The following SLC2A13 variants were observed in gnomAD, a reference collection of about 807,000 sequenced individuals.
The protein encoded by SLC2A13 is solute carrier family 2 member 13, also known as proton myo-inositol cotransporter.
Under a neutral mutation model 64.4 loss-of-function variants are expected in SLC2A13, and 32 were observed. That is an observed-to-expected ratio of 0.50 (90% CI 0.37 to 0.67). SLC2A13 has a LOEUF of 0.67. SLC2A13 is among the 30% of genes least tolerant of loss of function. SLC2A13 has a pLI of 0.00. For missense variants in SLC2A13, 743 were observed against 829.2 expected (o/e 0.90, Z 1.28); for synonymous variants, 338 against 327.1 (o/e 1.03, Z -0.36).
At position 39,930,239 on chromosome 12, in the gene SLC2A13, AG is replaced by A. The variant is rs545619950; in HGVS notation, c.1034+21017del. Reference sequence around the variant, plus strand: ...ACTGTATGAGCCATTTCAGCAGGCCAGGATCATGGGTTGTAGGCAGCAAGGT... The same window carrying A: ...ACTGTATGAGCCATTTCAGCAGGCCAGATCATGGGTTGTAGGCAGCAAGGT... On this transcript the variant is annotated intron_variant, in intron 4 of 9. Transcript: ENST00000280871. Among the ~76,000 whole-genome samples the A allele has an allele frequency of 3.9e-5, 6 of 152,174 alleles. No individual in the cohort carries two copies. The South Asian group carries it at 1.0e-3, about 26-fold the overall frequency.
chr12:39,844,765 T>C (rs1943264168), intron 6 of SLC2A13, among the ~76,000 whole-genome samples: 1 of 152,036 alleles, frequency 6.6e-6, no homozygotes, highest in South Asian at 2.1e-4. Flanking sequence ...TTGGAAATTA[T>C]ATTCTTCCCT....
At chr12:39,988,670 GGAGGGAA>G (rs1947074065) in intron 3 of SLC2A13, among the ~76,000 whole-genome samples, 8 of 115,868 alleles carry the variant, frequency 6.9e-5, no homozygotes. Context: ...AGGGAGGGAG[GGAGGGAA>G]GAAGGGAGGG....
Position 39,758,479 on chromosome 12 carries a change from A to G in SLC2A13, c.*1547T>C, listed in dbSNP as rs926636661. 1 of 151,982 alleles carries G rather than the reference A, an allele frequency of 6.6e-6. No individual in the cohort carries two copies. The highest frequency in any genetic ancestry group is 2.4e-5 in the African/African-American group (1 of 41,426). The allele number at this position is 151,982 out of a possible 1,614,324, so 9.4% of individuals were successfully genotyped here. On this transcript the variant is annotated 3_prime_UTR_variant, in exon 10 of 10. Coordinates refer to ENST00000280871, the MANE Select transcript of SLC2A13 (RefSeq NM_052885.4). The stretch of plus-strand genomic sequence containing the variant: ...AGCCATTTAAAAATGCATCAAACTG[A>G]TGTATTCCTAACTGGCCACAGAAGA...
chr12:39,893,104 C>A (rs561852650), intron 4 of SLC2A13, among the ~76,000 whole-genome samples: 91 of 152,158 alleles, frequency 6.0e-4, no homozygotes, highest in Admixed American at 2.6e-3. Context: ...GAAAACTAAT[C>A]CACAAGTATT....
At chr12:39,770,179 A>G (rs1342819396) in intron 7 of SLC2A13, among the ~76,000 whole-genome samples, 3 of 151,934 alleles carry the variant, frequency 2.0e-5, no homozygotes, top group Non-Finnish European at 4.4e-5. Flanking sequence ...TCTCATAATC[A>G]TCTCATCTAA....
chr12:39,927,660 G>T (rs1945751693), intron 4 of SLC2A13, among the ~76,000 whole-genome samples: 1 of 152,058 alleles, frequency 6.6e-6, no homozygotes, highest in African/African-American at 2.4e-5. Context: ...AAACCAAGAA[G>T]TTTTTATGCA....
At chr12:40,073,281 ATATG>A (rs1423009026) in intron 1 of SLC2A13, among the ~76,000 whole-genome samples, 1 of 152,090 alleles carries the variant, frequency 6.6e-6, no homozygotes, top group African/African-American at 2.4e-5. Context: ...GCTTGAGGAT[ATATG>A]TATGTAACAG....
intron 7 of SLC2A13, among the ~76,000 whole-genome samples, chr12:39,800,081 C>T (rs1220037335): frequency 6.6e-6 from 1 of 152,126 alleles, no homozygotes; most frequent in East Asian, 1.9e-4. Flanking sequence ...TAGCTGGACC[C>T]ATCCCAATCT....
intron 7 of SLC2A13, among the ~76,000 whole-genome samples, chr12:39,815,705 G>A (rs757941985): frequency 1.3e-5 from 2 of 152,190 alleles, no homozygotes; most frequent in African/African-American, 4.8e-5. Flanking sequence ...GGGAAAAATA[G>A]AGCATTTGAA....
At chr12:39,886,921 G>A (rs980804747) in intron 4 of SLC2A13, among the ~76,000 whole-genome samples, 23 of 152,234 alleles carry the variant, frequency 1.5e-4, no homozygotes, top group Middle Eastern at 3.4e-3. Context: ...TGTGTTTTGC[G>A]TATGTTAAAT....
rs764049845 is a variant in SLC2A13, at chr12:40,008,613, C to CA, written c.925+19687dup. On this transcript the variant is annotated intron_variant, in intron 3 of 9. Coordinates refer to ENST00000280871, the MANE Select transcript of SLC2A13 (RefSeq NM_052885.4). ...GCGACAGAGCGAGACTGCGTCACTC[C>CA]AAAAAAAAAAAAAAAGAATATGGAG... 3.0e-3 allele frequency among the ~76,000 whole-genome samples: 329 copies of CA among 109,594 alleles called. 1 individual carries two copies. Among genetic ancestry groups the CA allele is most frequent in the Admixed American group, 4.8e-3 (51 of 10,660 alleles). The allele number at this position is 109,594 out of a possible 152,430, so 71.9% of individuals were successfully genotyped here. A position where few individuals can be genotyped will look rare whatever the true frequency, so the allele number is the denominator to read the frequency against.
chr12:39,765,720 T>A (rs926776602), intron 7 of SLC2A13, among the ~76,000 whole-genome samples: 4 of 152,114 alleles, frequency 2.6e-5, no homozygotes, highest in Non-Finnish European at 4.4e-5. Flanking sequence ...ATTGGCCTCA[T>A]TTAAAAAAAT....
At chr12:39,792,476 G>T (rs1941436772) in intron 7 of SLC2A13, among the ~76,000 whole-genome samples, 1 of 152,082 alleles carries the variant, frequency 6.6e-6, no homozygotes, top group South Asian at 2.1e-4. Flanking sequence ...TTGAAATCTG[G>T]CATGTATTTG....
At position 39,889,258 on chromosome 12, in the gene SLC2A13, A is replaced by T. The variant is rs1208192484; in HGVS notation, c.1035-17297T>A. On this transcript the variant is annotated intron_variant, in intron 4 of 9. Transcript: ENST00000280871. ...CATCAGTTAAAACCCCAAATTTGTTATCAATATAACATTTGTTGATAGTTT... is the reference window on the plus strand; with the variant it reads ...CATCAGTTAAAACCCCAAATTTGTTTTCAATATAACATTTGTTGATAGTTT... Among the ~76,000 whole-genome samples, 4 of 152,096 alleles carry T rather than the reference A, an allele frequency of 2.6e-5. No homozygotes were observed. The East Asian group carries it at 7.7e-4, about 29-fold the overall frequency.
intron 4 of SLC2A13, among the ~76,000 whole-genome samples, chr12:39,899,227 G>A (rs955546810): frequency 6.6e-6 from 1 of 152,146 alleles, no homozygotes; most frequent in African/African-American, 2.4e-5. Context: ...TATGTGTCGA[G>A]GAATTTATCC....
At chr12:39,927,697 G>C (rs1945752230) in intron 4 of SLC2A13, among the ~76,000 whole-genome samples, 1 of 152,074 alleles carries the variant, frequency 6.6e-6, no homozygotes, top group Non-Finnish European at 1.5e-5. Flanking sequence ...GCTAAATCTG[G>C]TTTATTTCAT....
intron 4 of SLC2A13, among the ~76,000 whole-genome samples, chr12:39,877,806 T>G (rs1944229336): frequency 6.6e-6 from 1 of 152,200 alleles, no homozygotes. Context: ...AAAAAATACA[T>G]CATATTTTCC....
chr12:40,101,290 CACAT>C (rs1555164591), intron 1 of SLC2A13, among the ~76,000 whole-genome samples: 12 of 152,084 alleles, frequency 7.9e-5, no homozygotes, highest in Non-Finnish European at 1.5e-4. Flanking sequence ...AAAACAAATA[CACAT>C]ATCCCTGACT....
chr12:39,877,078 G>T (rs1944202864), intron 4 of SLC2A13, among the ~76,000 whole-genome samples: 1 of 152,018 alleles, frequency 6.6e-6, no homozygotes, highest in Non-Finnish European at 1.5e-5. Flanking sequence ...ATTAAAAGAG[G>T]TTCTTTTAAC....
Sources: gnomAD v4.1 joint callset for allele counts (sites outside exome capture counted in the v4.1 genomes callset) on GRCh38, gnomAD v4.1.1 for gene constraint, MANE v1.5 for transcripts, NCBI Gene and HGNC (gene_info 2026-07-23, HGNC 2026-07-21) for gene names.